The following CEP112 variants were observed in gnomAD, a reference collection of about 807,000 sequenced individuals.
CEP112 encodes centrosomal protein of 112 kDa.
CEP112 carries 127 observed loss-of-function variants against 153.0 expected under a neutral mutation model. That is an observed-to-expected ratio of 0.83 (90% CI 0.72 to 0.96). The LOEUF is 0.96. Among genes scored for constraint, CEP112 ranks in the 40% least tolerant of loss-of-function variants. The pLI, the probability that CEP112 is intolerant of heterozygous loss-of-function variation, is 0.00. For missense variants in CEP112, 1,089 were observed against 1,101.2 expected (o/e 0.99, Z 0.16); for synonymous variants, 358 against 374.4 (o/e 0.96, Z 0.51).
chr17:65,644,317 T>A, intron 24 of CEP112: 1 of 573,340 alleles, frequency 1.7e-6, no homozygotes, highest in South Asian at 2.0e-5. Context: ...CATGTTCCAT[T>A]TGAGTGCCAA....
chr17:65,692,080 G>A (rs1176796400), intron 23 of CEP112, among the ~76,000 whole-genome samples: 4 of 152,086 alleles, frequency 2.6e-5, no homozygotes, highest in African/African-American at 9.7e-5. Flanking sequence ...TATCATCCAC[G>A]GAGTGGATTT....
chr17:65,714,991 A>G (rs192053706), intron 23 of CEP112, among the ~76,000 whole-genome samples: 15 of 152,240 alleles, frequency 9.9e-5, no homozygotes, highest in Admixed American at 6.5e-4. Context: ...TACAAGCAGC[A>G]GGTGGAGCAG....
In CEP112 at chr17:66,140,222, A is replaced by G. The variant is rs184153593; in HGVS notation, c.471-7459T>C. Among the ~76,000 whole-genome samples the G allele has an allele frequency of 5.3e-4, 81 of 152,208 alleles. 1 individual carries two copies. The highest frequency in any genetic ancestry group is 1.8e-3 in the African/African-American group (76 of 41,458). ...TGCAGAAAGAGCATGACGAAATTCA[A>G]TATTTTTTTATGATAAAAACTCAAT... On this transcript the variant is annotated intron_variant, in intron 4 of 26. Transcript: ENST00000535342.
At chr17:66,179,148 T>C (rs1055030830) in intron 2 of CEP112, among the ~76,000 whole-genome samples, 5 of 152,190 alleles carry the variant, frequency 3.3e-5, no homozygotes, top group African/African-American at 1.2e-4. Flanking sequence ...TTTATTATTT[T>C]TGCTCAGGAT....
intron 23 of CEP112, among the ~76,000 whole-genome samples, chr17:65,713,262 T>G (rs2049301625): frequency 6.6e-6 from 1 of 152,186 alleles, no homozygotes; most frequent in Non-Finnish European, 1.5e-5. Flanking sequence ...CCTGTGGAAA[T>G]CATTAAAATT....
intron 22 of CEP112, among the ~76,000 whole-genome samples, chr17:65,746,298 T>TG (rs2051464269): frequency 6.6e-6 from 1 of 152,048 alleles, no homozygotes; most frequent in Admixed American, 6.5e-5. Context: ...TTACATTCTT[T>TG]GGGGGAATAA....
At chr17:66,048,233 C>G (rs1356530) in intron 12 of CEP112, among the ~76,000 whole-genome samples, 62,468 of 151,826 alleles carry the variant, frequency 0.41, 14,310 homozygotes, top group East Asian at 0.87. Context: ...TTCTGATGAA[C>G]AAGGAAGGAA....
At chr17:65,729,232 G>A (rs1433357589) in intron 23 of CEP112, among the ~76,000 whole-genome samples, 1 of 152,056 alleles carries the variant, frequency 6.6e-6, no homozygotes, top group Non-Finnish European at 1.5e-5. Context: ...CCTACAAAGG[G>A]TCAGGATAAT....
chr17:66,135,874 T>C (rs1270119121), intron 4 of CEP112, among the ~76,000 whole-genome samples: 2 of 152,070 alleles, frequency 1.3e-5, no homozygotes, highest in East Asian at 3.9e-4. Flanking sequence ...TATATAGATA[T>C]AAAGCCTAAA....
At chr17:65,644,721 C>T (rs539593032) in intron 24 of CEP112, 1 of 153,640 alleles carries the variant, frequency 6.5e-6, no homozygotes, top group African/African-American at 2.4e-5. Flanking sequence ...ATGCTTCAAT[C>T]CCACTTTCTT....
chr17:66,176,673 A>G, intron 3 of CEP112, 157 bp downstream of exon 3: 1 of 482,128 alleles, frequency 2.1e-6, no homozygotes, highest in Non-Finnish European at 3.6e-6. Flanking sequence ...GTATTTTATT[A>G]AAGGTGGAAA....
At chr17:65,943,365 G>C (rs1218348822) in intron 18 of CEP112, among the ~76,000 whole-genome samples, 2 of 152,156 alleles carry the variant, frequency 1.3e-5, no homozygotes, top group Non-Finnish European at 2.9e-5. Context: ...AATATTTCTA[G>C]ACATTTAACT....
chr17:65,966,102 G>C (rs1362441863), intron 17 of CEP112, among the ~76,000 whole-genome samples: 1 of 152,092 alleles, frequency 6.6e-6, no homozygotes, highest in Non-Finnish European at 1.5e-5. Flanking sequence ...ATGCCTTAAA[G>C]CTGGGCCTCC....
intron 6 of CEP112, among the ~76,000 whole-genome samples, chr17:66,119,628 T>C (rs2069478023): frequency 6.6e-6 from 1 of 152,204 alleles, no homozygotes; most frequent in African/African-American, 2.4e-5. Context: ...CAGTCTCCAG[T>C]TGAGGGGCAT....
intron 1 of CEP112, among the ~76,000 whole-genome samples, chr17:66,187,255 C>G (rs997437585): frequency 3.3e-5 from 5 of 152,162 alleles, no homozygotes; most frequent in Admixed American, 2.0e-4. Context: ...AATGACAAAG[C>G]TAAGTCTATC....
At chr17:65,651,845 A>G (rs189612006) in intron 24 of CEP112, among the ~76,000 whole-genome samples, 3 of 152,198 alleles carry the variant, frequency 2.0e-5, no homozygotes, top group African/African-American at 7.2e-5. Flanking sequence ...GGATTAAGGC[A>G]TGCACCACCA....
At chr17:65,986,262 T>A (rs990782040) in intron 17 of CEP112, among the ~76,000 whole-genome samples, 1 of 152,052 alleles carries the variant, frequency 6.6e-6, no homozygotes, top group African/African-American at 2.4e-5. Context: ...CCAACAACTA[T>A]AAAGTACATG....
At chr17:65,928,613 T>G in intron 18 of CEP112, among the ~76,000 whole-genome samples, 1 of 152,176 alleles carries the variant, frequency 6.6e-6, no homozygotes, top group Middle Eastern at 3.4e-3. Flanking sequence ...TATTAATACA[T>G]GTACTCTGGG....
chr17:66,146,084 A>G (rs1215493093), intron 4 of CEP112, among the ~76,000 whole-genome samples: 3 of 152,062 alleles, frequency 2.0e-5, no homozygotes, highest in Admixed American at 6.6e-5. Flanking sequence ...CTGTTCTTGT[A>G]AGGTCTTTGT....
Sources: allele counts gnomAD v4.1 joint callset (sites outside exome capture counted in the v4.1 genomes callset), GRCh38; gene constraint gnomAD v4.1.1; transcripts MANE v1.5; gene names NCBI Gene and HGNC (gene_info 2026-07-23, HGNC 2026-07-21).